BCAS1: variants seen among roughly 807,000 people sequenced by gnomAD.
The protein encoded by BCAS1 is breast carcinoma-amplified sequence 1.
In BCAS1, 46 loss-of-function variants were observed where a neutral mutation model predicts 65.4. The ratio of observed to expected loss-of-function variants is 0.70; its 90% CI spans 0.55 to 0.90. BCAS1 has a LOEUF of 0.90. BCAS1 is among the 40% of genes least tolerant of loss of function. The pLI is 0.00. For missense variants in BCAS1, 793 were observed against 771.2 expected (o/e 1.03, Z -0.33); for synonymous variants, 298 against 293.5 (o/e 1.02, Z -0.16).
chr20:54,015,910 T>TA (rs2091427848), intron 4 of BCAS1, among the ~76,000 whole-genome samples: 1 of 152,180 alleles, frequency 6.6e-6, no homozygotes, highest in African/African-American at 2.4e-5. Flanking sequence ...GCTCCTTTTA[T>TA]AAAAAAGAGA....
chr20:54,060,899 G>A (rs898661196), intron 1 of BCAS1, among the ~76,000 whole-genome samples: 3 of 152,170 alleles, frequency 2.0e-5, no homozygotes, highest in Non-Finnish European at 4.4e-5. Flanking sequence ...AGTCAATGGA[G>A]GGAATAACGA....
intron 1 of BCAS1, among the ~76,000 whole-genome samples, chr20:54,062,499 C>A (rs1372864941): frequency 2.6e-5 from 4 of 152,196 alleles, no homozygotes; most frequent in African/African-American, 9.7e-5. Context: ...GTATCTCTAT[C>A]TAAATTCAGC....
intron 4 of BCAS1, among the ~76,000 whole-genome samples, chr20:54,027,559 T>G (rs2091700401): frequency 6.6e-6 from 1 of 152,210 alleles, no homozygotes; most frequent in Non-Finnish European, 1.5e-5. Flanking sequence ...TGAAAAATAT[T>G]GTTATTTAAA....
intron 9 of BCAS1, among the ~76,000 whole-genome samples, chr20:53,970,140 C>A (rs2090142318): frequency 6.6e-6 from 1 of 152,202 alleles, no homozygotes; most frequent in Admixed American, 6.5e-5. Context: ...ATAAAATGAT[C>A]AGATTGTATG....
At chr20:54,038,827 T>C (rs961984213) in intron 3 of BCAS1, among the ~76,000 whole-genome samples, 2 of 151,300 alleles carry the variant, frequency 1.3e-5, no homozygotes, top group African/African-American at 2.4e-5. Flanking sequence ...TACACACTAA[T>C]TGCAAAGGGA....
chr20:54,041,229 G>T (rs976598623), intron 3 of BCAS1, among the ~76,000 whole-genome samples: 1 of 151,308 alleles, frequency 6.6e-6, no homozygotes, highest in African/African-American at 2.4e-5. Flanking sequence ...GAGTAATGAC[G>T]ATGTTCTGGA....
chr20:54,028,451 C>T lies in BCAS1; in HGVS notation c.664G>A (p.Asp222Asn), dbSNP rs200742471. 9.3e-6 allele frequency: 15 copies of T among 1,614,232 alleles called. No homozygotes were observed. Among genetic ancestry groups the T allele is most frequent in the Non-Finnish European group, 1.1e-5 (13 of 1,180,036 alleles). ...QQEAKRAEHQ[D>N]KVDEVPGLSG... is the part of the protein sequence containing the mutation. ...AAGCCAGGAACCTCATCCACCTTGTCTTGATGCTCTGCCCTCTTGGCTTCC... is the reference window on the plus strand; with the variant it reads ...AAGCCAGGAACCTCATCCACCTTGTTTTGATGCTCTGCCCTCTTGGCTTCC... The change falls in exon 4 of 13, where the codon GAC (aspartate) becomes AAC (asparagine). Residue 222 changes from aspartate (D) to asparagine (N), a missense_variant. Coordinates refer to ENST00000688948, the MANE Select transcript of BCAS1 (RefSeq NM_001366298.2).
At chr20:53,998,216 A>G (rs750886719) in intron 4 of BCAS1, among the ~76,000 whole-genome samples, 19 of 152,120 alleles carry the variant, frequency 1.2e-4, no homozygotes, top group Non-Finnish European at 2.5e-4. Flanking sequence ...ATAAATTGAT[A>G]TGGGTTGACT....
intron 7 of BCAS1, among the ~76,000 whole-genome samples, chr20:53,991,650 G>A (rs1206511231): frequency 6.6e-6 from 1 of 152,164 alleles, no homozygotes; most frequent in Non-Finnish European, 1.5e-5. Context: ...ACTTCCCAAG[G>A]ACATGGAGCT....
At chr20:53,968,208 T>C (rs1337308836) in intron 9 of BCAS1, among the ~76,000 whole-genome samples, 1 of 152,196 alleles carries the variant, frequency 6.6e-6, no homozygotes, top group African/African-American at 2.4e-5. Flanking sequence ...AGATAAAATG[T>C]ATGGGATGGA....
In BCAS1 at chr20:53,995,943, T is replaced by C. The variant is rs757690674; in HGVS notation, c.831A>G (p.Ala277=). The change falls in exon 5 of 13, where the codon GCA becomes GCG. Residue 277 remains alanine, a synonymous_variant. Transcript: ENST00000688948. ...GLETAKDDSQ[A]AAIAENNNSI... is the part of the protein sequence containing the mutation. ...AATTATTATTCTCTGCTATAGCTGC[T>C]GCCTGGGAATCGTCCTTTGCAGTCT... The C allele has an allele frequency of 1.9e-6, 3 of 1,613,840 alleles. No individual in the cohort carries two copies. In the Admixed American group the frequency reaches 5.0e-5, roughly 27 times the overall value.
chr20:54,050,540 A>G (rs1216097888), intron 3 of BCAS1, among the ~76,000 whole-genome samples: 1 of 152,234 alleles, frequency 6.6e-6, no homozygotes, highest in Non-Finnish European at 1.5e-5. Flanking sequence ...CATTCTTTTT[A>G]CGTATAGAGC....
chr20:54,007,475 A>G (rs1600851667), intron 4 of BCAS1, among the ~76,000 whole-genome samples: 1 of 152,262 alleles, frequency 6.6e-6, no homozygotes, highest in East Asian at 1.9e-4. Flanking sequence ...GTTCAAAAGA[A>G]CTCCAGGAAC....
intron 3 of BCAS1, among the ~76,000 whole-genome samples, chr20:54,031,714 C>T (rs1383350187): frequency 2.6e-5 from 4 of 151,250 alleles, no homozygotes; most frequent in Non-Finnish European, 4.4e-5. Flanking sequence ...TTTAGCATTA[C>T]ATAAGCCAAT....
chr20:54,024,161 C>T (rs1397942216), intron 4 of BCAS1, among the ~76,000 whole-genome samples: 1 of 152,190 alleles, frequency 6.6e-6, no homozygotes, highest in African/African-American at 2.4e-5. Flanking sequence ...CAAGATCACA[C>T]AGCCAGTAGG....
chr20:54,005,838 G>A (rs2091174298), intron 4 of BCAS1, among the ~76,000 whole-genome samples: 1 of 152,208 alleles, frequency 6.6e-6, no homozygotes, highest in Admixed American at 6.5e-5. Flanking sequence ...AAGTGGACAT[G>A]GAGGAAGGCA....
chr20:53,977,172 T>C (rs1338004440), intron 8 of BCAS1, among the ~76,000 whole-genome samples: 1 of 152,142 alleles, frequency 6.6e-6, no homozygotes, highest in African/African-American at 2.4e-5. Context: ...GAGGACAGCA[T>C]GGGGGAAACT....
intron 10 of BCAS1, among the ~76,000 whole-genome samples, chr20:53,958,208 G>A (rs567053531): frequency 6.6e-6 from 1 of 152,316 alleles, no homozygotes; most frequent in Admixed American, 6.5e-5. Flanking sequence ...GTCTGAGTTT[G>A]AGTACCACCG....
chr20:53,963,426 G>A (rs111353245), intron 10 of BCAS1, among the ~76,000 whole-genome samples: 4,401 of 151,910 alleles, frequency 0.029, 80 homozygotes, highest in South Asian at 0.052. Context: ...GGTTGCAGCG[G>A]GCAGAGATTG....
Sources: allele counts gnomAD v4.1 joint callset (sites outside exome capture counted in the v4.1 genomes callset), GRCh38; gene constraint gnomAD v4.1.1; transcripts MANE v1.5; gene names NCBI Gene and HGNC (gene_info 2026-07-23, HGNC 2026-07-21).